Variants in ANTXRL observed in about 807,000 individuals in gnomAD.
The protein encoded by ANTXRL is ANTXR like.
A neutral mutation model predicts 75.4 loss-of-function variants in ANTXRL; 63 were observed. That is an observed-to-expected ratio of 0.84 (90% CI 0.68 to 1.03). The LOEUF is 1.03. ANTXRL is among the 50% of genes least tolerant of loss of function. The pLI, the probability that ANTXRL is intolerant of heterozygous loss-of-function variation, is 0.00. For missense variants in ANTXRL, 797 were observed against 789.4 expected (o/e 1.01, Z -0.12); for synonymous variants, 335 against 291.3 (o/e 1.15, Z -1.53).
intron 9 of ANTXRL, among the ~76,000 whole-genome samples, chr10:46,300,597 G>C (rs1472429426): frequency 6.6e-6 from 1 of 151,860 alleles, no homozygotes. Context: ...GGCGCCCTGT[G>C]CAGAGGTGGG....
chr10:46,328,911 C>T (rs1839356490), intron 16 of ANTXRL, among the ~76,000 whole-genome samples: 1 of 152,144 alleles, frequency 6.6e-6, no homozygotes, highest in Non-Finnish European at 1.5e-5. Context: ...TTATAGTGAC[C>T]CTGAGGGCCT....
chr10:46,329,932 G>T lies in ANTXRL; in HGVS notation c.1744G>T (p.Glu582Ter). The T allele has an allele frequency of 6.5e-7, 1 of 1,535,916 alleles. No individual in the cohort carries two copies. Among genetic ancestry groups the T allele is most frequent in the Non-Finnish European group, 8.7e-7 (1 of 1,146,752 alleles). Residue 582 changes from glutamate to a stop codon, truncating the protein, a stop_gained, in exon 17 of 17, where the codon GAG becomes TAG. Transcript: ENST00000620264. LOFTEE classifies it high-confidence loss of function. ...AAAGAGCTGCCTTCAACCCAGCCGG[G>T]AGTGCCTCCCCCTCACCTGCTCCTC... Reference protein sequence around the residue: ...NPKSCLQPSRECLPLTCSSRC... With the variant: ...NPKSCLQPSR
chr10:46,300,989 C>T (rs1350797418), intron 9 of ANTXRL, among the ~76,000 whole-genome samples: 2 of 150,288 alleles, frequency 1.3e-5, no homozygotes, highest in Non-Finnish European at 2.9e-5. Flanking sequence ...TCTCTCCCAC[C>T]CCCCCTCTCT....
At chr10:46,313,613 C>A (rs1838559545) in intron 16 of ANTXRL, among the ~76,000 whole-genome samples, 1 of 152,114 alleles carries the variant, frequency 6.6e-6, no homozygotes, top group Non-Finnish European at 1.5e-5. Flanking sequence ...GGTTCATTGC[C>A]TTGGGACCAT....
intron 10 of ANTXRL, among the ~76,000 whole-genome samples, chr10:46,304,617 G>A (rs1837960834): frequency 6.6e-6 from 1 of 152,144 alleles, no homozygotes; most frequent in Admixed American, 6.5e-5. Flanking sequence ...CCCTCTCTTT[G>A]TAGCCTTTCT....
intron 16 of ANTXRL, among the ~76,000 whole-genome samples, chr10:46,316,032 T>A (rs1244387231): frequency 2.0e-5 from 3 of 152,124 alleles, no homozygotes; most frequent in Non-Finnish European, 2.9e-5. Context: ...AGCCAAACTC[T>A]ACCTCCCATC....
At chr10:46,286,203 A>G (rs1280936749), upstream of ANTXRL, 5 of 152,134 alleles carry the variant, frequency 3.3e-5, no homozygotes, top group Non-Finnish European at 7.3e-5. Context: ...GCTTGGACCA[A>G]TAGAGCACAG....
intron 5 of ANTXRL, 118 bp from the exon 6 acceptor site, chr10:46,297,134 G>C (rs7894472): frequency 0.44 from 351,794 of 802,850 alleles, 73,082 homozygotes; most frequent in Non-Finnish European, 0.48. Context: ...GTGGGGGCAC[G>C]TGGCCATGCC....
intron 10 of ANTXRL, among the ~76,000 whole-genome samples, chr10:46,304,376 T>A (rs2999402): frequency 0.29 from 44,523 of 151,112 alleles, 6,254 homozygotes; most frequent in African/African-American, 0.4. Context: ...AAAGAAGACA[T>A]AGGCTTTTAA....
chr10:46,288,003 G>A (rs1261994853), intron 1 of ANTXRL, among the ~76,000 whole-genome samples: 2 of 152,082 alleles, frequency 1.3e-5, no homozygotes, highest in Non-Finnish European at 2.9e-5. Context: ...CTGCTTCTAA[G>A]TGCCTCTTCT....
chr10:46,301,399 C>G (rs1554960549), intron 9 of ANTXRL, among the ~76,000 whole-genome samples: 1 of 152,226 alleles, frequency 6.6e-6, no homozygotes, highest in African/African-American at 2.4e-5. Flanking sequence ...GTGCCCCCAC[C>G]AGGCCCAGGC....
chr10:46,287,354 G>A lies in ANTXRL; in HGVS notation c.92G>A (p.Arg31Gln), dbSNP rs78797099. Residue 31 changes from arginine (R) to glutamine (Q), a missense_variant, in exon 1 of 17, where the codon CGG becomes CAG. Arg to Gln is a conservative substitution (Grantham distance 43, BLOSUM62 1). Transcript: ENST00000620264. Reference protein sequence around the residue: ...PPPLFRAGSLRYHGPDWRIFH... With the variant: ...PPPLFRAGSLQYHGPDWRIFH... ...CCGCTTTTTAGAGCAGGAAGCCTTC[G>A]GTACCATGGACCTGACTGGAGAATA... 10 of 1,535,954 alleles carry A rather than the reference G, an allele frequency of 6.5e-6. No individual in the cohort carries two copies. In the Admixed American group the frequency reaches 1.2e-4, roughly 18 times the overall value.
At position 46,308,504 on chromosome 10, in the gene ANTXRL, T is replaced by C. The variant is rs781892963; in HGVS notation, c.1045-609T>C. 5 of 448,604 alleles carry C rather than the reference T, an allele frequency of 1.1e-5. No homozygotes were observed. The Middle Eastern group carries it at 9.8e-4, about 88-fold the overall frequency. The allele number at this position is 448,604 out of a possible 1,614,324, so 27.8% of individuals were successfully genotyped here. A position where few individuals can be genotyped will look rare whatever the true frequency, so the allele number is the denominator to read the frequency against. On this transcript the variant is annotated intron_variant, in intron 12 of 16. Coordinates refer to ENST00000620264, the MANE Select transcript of ANTXRL (RefSeq NM_001278688.3). ...GGACATGAGGAAGGCCTGAGCAGCC[T>C]GCCTTCCCACGGATGCCGCCCAAGA...
intron 13 of ANTXRL, among the ~76,000 whole-genome samples, chr10:46,310,117 T>C (rs1422271998): frequency 6.6e-6 from 1 of 152,082 alleles, no homozygotes; most frequent in Non-Finnish European, 1.5e-5. Flanking sequence ...AGGCTCTCCC[T>C]AAGGAAGGGA....
intron 9 of ANTXRL, 70 bp downstream of exon 9, chr10:46,298,132 TGC>T: frequency 8.7e-7 from 1 of 1,149,002 alleles, no homozygotes; most frequent in Non-Finnish European, 1.3e-6. Context: ...ATGGAGTGTG[TGC>T]ATTTGTTTGG....
At chr10:46,310,029 C>T (rs1838329183) in intron 13 of ANTXRL, among the ~76,000 whole-genome samples, 1 of 152,112 alleles carries the variant, frequency 6.6e-6, no homozygotes, top group African/African-American at 2.4e-5. Context: ...CTCATGTCTG[C>T]ATAGGGAGCT....
chr10:46,315,364 TG>T (rs1554964465), intron 16 of ANTXRL, among the ~76,000 whole-genome samples: 1 of 152,178 alleles, frequency 6.6e-6, no homozygotes, highest in Non-Finnish European at 1.5e-5. Flanking sequence ...CTTGGATGGG[TG>T]GCTCGGCCCC....
intron 13 of ANTXRL, among the ~76,000 whole-genome samples, chr10:46,310,042 A>C (rs1838330078): frequency 6.6e-6 from 1 of 152,108 alleles, no homozygotes; most frequent in Non-Finnish European, 1.5e-5. Flanking sequence ...AGGGAGCTGC[A>C]AGGGGAGGAA....
chr10:46,296,347 C>T (rs1212376870), intron 5 of ANTXRL, 95 bp downstream of exon 5: 1 of 1,351,758 alleles, frequency 7.4e-7, no homozygotes, highest in African/African-American at 1.5e-5. Context: ...CAAGGCCACA[C>T]CTGCCCTGCC....
Sources: gnomAD v4.1 joint callset for allele counts (sites outside exome capture counted in the v4.1 genomes callset) on GRCh38, gnomAD v4.1.1 for gene constraint, MANE v1.5 for transcripts, NCBI Gene and HGNC (gene_info 2026-07-23, HGNC 2026-07-21) for gene names.